ROBO2: variants seen among roughly 807,000 people sequenced by gnomAD.
The protein encoded by ROBO2 is roundabout homolog 2.
In ROBO2, 53 loss-of-function variants were observed where a neutral mutation model predicts 160.8. The ratio of observed to expected loss-of-function variants is 0.33; its 90% CI spans 0.26 to 0.41. The LOEUF (loss-of-function observed/expected upper bound fraction) is 0.41, where lower values mean the gene tolerates loss of function less well. Ranked by LOEUF, ROBO2 falls within the 10% of genes least tolerant of loss-of-function variation. The pLI is 1.00. For missense variants in ROBO2, 1,577 were observed against 1,722.4 expected (o/e 0.92, Z 1.49); for synonymous variants, 664 against 611.7 (o/e 1.09, Z -1.26).
Position 76,079,353 on chromosome 3 carries a change from A to G in ROBO2, c.109+141751A>G, listed in dbSNP as rs750672912. Reference sequence around the variant, plus strand: ...AGTGCTTGAGGTGATGAATATCCCAATAACCCTCATTTGATCATTAAACAT... The same window carrying G: ...AGTGCTTGAGGTGATGAATATCCCAGTAACCCTCATTTGATCATTAAACAT... On this transcript the variant is annotated intron_variant, in intron 2 of 26. Transcript: ENST00000487694. Among the ~76,000 whole-genome samples the G allele has an allele frequency of 3.9e-5, 6 of 152,326 alleles. No individual in the cohort carries two copies. In the East Asian group the frequency reaches 1.2e-3, roughly 29 times the overall value.
intron 2 of ROBO2, among the ~76,000 whole-genome samples, chr3:76,872,399 T>TG (rs2072200986): frequency 6.6e-6 from 1 of 152,118 alleles, no homozygotes; most frequent in South Asian, 2.1e-4. Context: ...TCAAATTTTT[T>TG]TTGTTGTTTC....
intron 2 of ROBO2, among the ~76,000 whole-genome samples, chr3:76,579,520 T>C (rs555633691): frequency 1.3e-5 from 2 of 152,258 alleles, no homozygotes; most frequent in East Asian, 3.9e-4. Flanking sequence ...CTTCCACAAC[T>C]AATTCTACAG....
At chr3:76,842,312 G>C (rs1213475609) in intron 2 of ROBO2, among the ~76,000 whole-genome samples, 1 of 152,172 alleles carries the variant, frequency 6.6e-6, no homozygotes, top group Non-Finnish European at 1.5e-5. Context: ...TGTGAGCCAG[G>C]CACTGTGCTG....
intron 2 of ROBO2, among the ~76,000 whole-genome samples, chr3:76,697,628 A>G (rs1027780549): frequency 6.6e-6 from 1 of 152,168 alleles, no homozygotes; most frequent in African/African-American, 2.4e-5. Flanking sequence ...CCTGGGCGAC[A>G]GAGTGAAACC....
chr3:77,373,816 T>C (rs936560437), intron 2 of ROBO2, among the ~76,000 whole-genome samples: 8 of 150,650 alleles, frequency 5.3e-5, no homozygotes, highest in African/African-American at 2.0e-4. Flanking sequence ...GTTGCTGTTT[T>C]CATTCACTCC....
intron 2 of ROBO2, among the ~76,000 whole-genome samples, chr3:77,288,658 A>G (rs1265098442): frequency 2.0e-5 from 3 of 152,172 alleles, no homozygotes; most frequent in Admixed American, 2.0e-4. Context: ...AAACACACCC[A>G]AACAAAAATG....
intron 2 of ROBO2, among the ~76,000 whole-genome samples, chr3:76,216,864 T>G (rs1371637465): frequency 6.6e-6 from 1 of 152,214 alleles, no homozygotes; most frequent in Non-Finnish European, 1.5e-5. Context: ...TAAATTCTTT[T>G]CAGCACCACA....
intron 2 of ROBO2, among the ~76,000 whole-genome samples, chr3:77,011,172 A>G (rs1489168147): frequency 1.8e-5 from 2 of 114,244 alleles, no homozygotes; most frequent in African/African-American, 7.0e-5. Flanking sequence ...CCTTCATTCC[A>G]TCCTTCCTTT....
chr3:77,212,080 G>C (rs1401927186), intron 2 of ROBO2, among the ~76,000 whole-genome samples: 2 of 151,934 alleles, frequency 1.3e-5, no homozygotes, highest in African/African-American at 4.8e-5. Flanking sequence ...TTCCATATGA[G>C]CTTGAAAGTA....
chr3:76,887,194 ATTTTTTTTTT>A (rs5850296), intron 2 of ROBO2, among the ~76,000 whole-genome samples: 3 of 76,576 alleles, frequency 3.9e-5, no homozygotes, highest in Admixed American at 1.8e-4. Flanking sequence ...TTCAGGAAGC[ATTTTTTTTTT>A]TTTTTTTTTT....
chr3:76,533,866 C>T (rs541416741), intron 2 of ROBO2, among the ~76,000 whole-genome samples: 13 of 152,098 alleles, frequency 8.5e-5, no homozygotes, highest in East Asian at 5.8e-4. Flanking sequence ...AGGGCAGGAA[C>T]GAGTCATAGT....
chr3:77,572,219 A>G (rs926789536), intron 13 of ROBO2, among the ~76,000 whole-genome samples: 2 of 152,076 alleles, frequency 1.3e-5, no homozygotes, highest in African/African-American at 2.4e-5. Flanking sequence ...TTCTTTCAGT[A>G]TATAAATTCA....
chr3:76,985,619 T>A (rs1435252816), intron 2 of ROBO2, among the ~76,000 whole-genome samples: 1 of 148,846 alleles, frequency 6.7e-6, no homozygotes, highest in Non-Finnish European at 1.5e-5. Flanking sequence ...GATAATCTAT[T>A]TTTGCATAAA....
chr3:77,389,527 T>C (rs1351679980), intron 2 of ROBO2, among the ~76,000 whole-genome samples: 3 of 152,142 alleles, frequency 2.0e-5, no homozygotes, highest in African/African-American at 7.2e-5. Flanking sequence ...TCAGCAGTAT[T>C]GCAGAACTGT....
rs1188980349 is a variant in ROBO2, at chr3:76,768,424, C to T, written c.110-329590C>T. On this transcript the variant is annotated intron_variant, in intron 2 of 26. Transcript: ENST00000487694. ...CTCCGGAGTTTTGCCATCTTGATTT[C>T]GTCTCATGATGTATAATCAAGTTGA... Among the ~76,000 whole-genome samples the T allele has an allele frequency of 2.0e-5, 3 of 151,306 alleles. No individual in the cohort carries two copies. In the Admixed American group the frequency reaches 2.0e-4, roughly 10 times the overall value.
At chr3:76,502,310 C>T (rs1252018962) in intron 2 of ROBO2, among the ~76,000 whole-genome samples, 2 of 152,292 alleles carry the variant, frequency 1.3e-5, no homozygotes, top group Non-Finnish European at 2.9e-5. Context: ...ATGGTTGCCA[C>T]TTGACTGTTA....
chr3:76,443,510 T>A (rs569315977), intron 2 of ROBO2, among the ~76,000 whole-genome samples: 1 of 152,276 alleles, frequency 6.6e-6, no homozygotes, highest in South Asian at 2.1e-4. Context: ...TATTACAACT[T>A]ATCTGAGTGT....
At chr3:76,400,421 A>G (rs1369405402) in intron 2 of ROBO2, among the ~76,000 whole-genome samples, 3 of 151,634 alleles carry the variant, frequency 2.0e-5, no homozygotes, top group African/African-American at 7.2e-5. Context: ...TAAAAGTTCT[A>G]AGCATCATTA....
chr3:76,274,325 T>C (rs895173097), intron 2 of ROBO2, among the ~76,000 whole-genome samples: 1 of 151,894 alleles, frequency 6.6e-6, no homozygotes, highest in Non-Finnish European at 1.5e-5. Context: ...GTTGTGCACA[T>C]GTACCCTAAA....
Sources: gnomAD v4.1 joint callset for allele counts (sites outside exome capture counted in the v4.1 genomes callset) on GRCh38, gnomAD v4.1.1 for gene constraint, MANE v1.5 for transcripts, NCBI Gene and HGNC (gene_info 2026-07-23, HGNC 2026-07-21) for gene names.